Variants in SLC24A3 observed in about 807,000 individuals in gnomAD.
SLC24A3 encodes sodium/potassium/calcium exchanger 3.
Under a neutral mutation model 75.8 loss-of-function variants are expected in SLC24A3, and 28 were observed. That is an observed-to-expected ratio of 0.37 (90% CI 0.27 to 0.51). SLC24A3 has a LOEUF of 0.51. Ranked by LOEUF, SLC24A3 falls within the 20% of genes least tolerant of loss-of-function variation. The pLI is 0.94. For missense variants in SLC24A3, 663 were observed against 847.8 expected (o/e 0.78, Z 2.71); for synonymous variants, 372 against 334.1 (o/e 1.11, Z -1.24).
At position 19,606,889 on chromosome 20, in the gene SLC24A3, C is replaced by T. The variant is rs138807629; in HGVS notation, c.612+21345C>T. Among the ~76,000 whole-genome samples, 338 of 152,272 alleles carry T rather than the reference C, an allele frequency of 2.2e-3. 1 individual carries two copies. The Middle Eastern group carries it at 0.037, about 17-fold the overall frequency. On this transcript the variant is annotated intron_variant, in intron 6 of 16. Transcript: ENST00000328041. Reference sequence around the variant, plus strand: ...CCCCACTGTTCTGCTTTGGTCATTCCAGTGTATATGTGGACAGTGTGCGGC... The same window carrying T: ...CCCCACTGTTCTGCTTTGGTCATTCTAGTGTATATGTGGACAGTGTGCGGC...
chr20:19,696,059 C>T (rs2032802149), intron 13 of SLC24A3, among the ~76,000 whole-genome samples: 1 of 115,204 alleles, frequency 8.7e-6, no homozygotes, highest in African/African-American at 3.3e-5. Flanking sequence ...ACTGTGTTGC[C>T]GAGGCTGGAG....
intron 6 of SLC24A3, among the ~76,000 whole-genome samples, chr20:19,612,534 T>G (rs1044796549): frequency 2.0e-5 from 3 of 152,046 alleles, no homozygotes; most frequent in African/African-American, 7.2e-5. Flanking sequence ...CCTACAAATA[T>G]GCACAGTTAT....
chr20:19,515,395 C>A (rs1026062038), intron 2 of SLC24A3, 93 bp from the exon 3 acceptor site: 8 of 1,155,410 alleles, frequency 6.9e-6, no homozygotes, highest in Non-Finnish European at 1.0e-5. Context: ...CATCCAAGTT[C>A]ATGGACCCCA....
chr20:19,300,627 C>T (rs1984172492), intron 2 of SLC24A3, among the ~76,000 whole-genome samples: 1 of 152,158 alleles, frequency 6.6e-6, no homozygotes, highest in South Asian at 2.1e-4. Flanking sequence ...TAAAGAACTT[C>T]CGGGGCTCAT....
chr20:19,629,725 G>A (rs778503000), intron 6 of SLC24A3, among the ~76,000 whole-genome samples: 20 of 152,160 alleles, frequency 1.3e-4, no homozygotes, highest in South Asian at 6.2e-4. Flanking sequence ...GAAGCCTTGC[G>A]GGCCAGAATG....
intron 3 of SLC24A3, among the ~76,000 whole-genome samples, chr20:19,579,181 T>A (rs980963403): frequency 1.3e-5 from 2 of 151,986 alleles, no homozygotes. Context: ...AAAACTGGGG[T>A]CTCCTTAGGA....
chr20:19,675,890 ACTGT>A (rs1391704409), intron 9 of SLC24A3, among the ~76,000 whole-genome samples: 5 of 152,136 alleles, frequency 3.3e-5, no homozygotes, highest in South Asian at 2.1e-4. Flanking sequence ...GCCTCAAACT[ACTGT>A]CTGTGTGTGT....
At chr20:19,683,998 A>ATGGG (rs1334081036) in intron 10 of SLC24A3, among the ~76,000 whole-genome samples, 178 bp from the exon 11 acceptor site, 6 of 152,116 alleles carry the variant, frequency 3.9e-5, no homozygotes, top group African/African-American at 1.4e-4. Flanking sequence ...GAATGCATGG[A>ATGGG]TGGGTGGAAG....
Position 19,400,695 on chromosome 20 carries a change from C to T in SLC24A3, c.272-114793C>T, listed in dbSNP as rs1046174855. ...TCTCCTTAGACTCTCAACTGCATCT[C>T]CCCAGTTCAAGAATCCTGCCAGTCT... On this transcript the variant is annotated intron_variant, in intron 2 of 16. Transcript: ENST00000328041. Among the ~76,000 whole-genome samples the T allele has an allele frequency of 3.9e-5, 6 of 152,148 alleles. No individual in the cohort carries two copies. In the East Asian group the frequency reaches 1.2e-3, roughly 29 times the overall value.
At chr20:19,529,229 G>T (rs80010404) in intron 3 of SLC24A3, among the ~76,000 whole-genome samples, 240 of 152,182 alleles carry the variant, frequency 1.6e-3, no homozygotes, top group African/African-American at 5.1e-3. Context: ...ATGTGTCTCC[G>T]TGGCAACCCA....
At chr20:19,294,083 A>T (rs1299149682) in intron 2 of SLC24A3, among the ~76,000 whole-genome samples, 1 of 152,130 alleles carries the variant, frequency 6.6e-6, no homozygotes, top group East Asian at 1.9e-4. Context: ...ACATCACTTC[A>T]TTTACGTGGA....
chr20:19,291,796 G>C (rs956976751), intron 2 of SLC24A3, among the ~76,000 whole-genome samples: 11 of 152,168 alleles, frequency 7.2e-5, no homozygotes, highest in African/African-American at 2.2e-4. Flanking sequence ...CAGTGTCCAC[G>C]TTATTGGGAT....
intron 6 of SLC24A3, among the ~76,000 whole-genome samples, chr20:19,600,065 G>A (rs146349560): frequency 6.6e-6 from 1 of 152,162 alleles, no homozygotes; most frequent in Non-Finnish European, 1.5e-5. Flanking sequence ...TTGAAGGCCC[G>A]TGGGGGTCAT....
chr20:19,484,958 G>A (rs1031932187), intron 2 of SLC24A3, among the ~76,000 whole-genome samples: 2 of 152,096 alleles, frequency 1.3e-5, no homozygotes, highest in Non-Finnish European at 2.9e-5. Flanking sequence ...GTGCAAATTA[G>A]TGCTACCCTG....
chr20:19,598,500 C>T (rs1183415781), intron 6 of SLC24A3, among the ~76,000 whole-genome samples: 2 of 152,104 alleles, frequency 1.3e-5, no homozygotes, highest in African/African-American at 2.4e-5. Context: ...GGATGAGTTT[C>T]TTCTTCCCTT....
At chr20:19,691,926 G>A (rs1267925602) in intron 12 of SLC24A3, among the ~76,000 whole-genome samples, 2 of 152,108 alleles carry the variant, frequency 1.3e-5, no homozygotes, top group African/African-American at 4.8e-5. Context: ...ACAGAGCAGG[G>A]ACCGGAGCCC....
chr20:19,448,933 G>C (rs1173179599), intron 2 of SLC24A3, among the ~76,000 whole-genome samples: 1 of 152,246 alleles, frequency 6.6e-6, no homozygotes, highest in Non-Finnish European at 1.5e-5. Flanking sequence ...ACCACACTTT[G>C]TGGGCAGGGA....
intron 2 of SLC24A3, among the ~76,000 whole-genome samples, chr20:19,297,238 T>C (rs976884596): frequency 3.3e-5 from 5 of 152,238 alleles, no homozygotes; most frequent in African/African-American, 9.6e-5. Context: ...AGATCATGTA[T>C]ATCATTAGCT....
chr20:19,247,596 T>C (rs1251723132), intron 1 of SLC24A3, among the ~76,000 whole-genome samples: 2 of 152,156 alleles, frequency 1.3e-5, no homozygotes, highest in Non-Finnish European at 2.9e-5. Flanking sequence ...CCCGCGTAGA[T>C]GATGGAGCAA....
Sources: allele counts gnomAD v4.1 joint callset (sites outside exome capture counted in the v4.1 genomes callset), GRCh38; gene constraint gnomAD v4.1.1; transcripts MANE v1.5; gene names NCBI Gene and HGNC (gene_info 2026-07-23, HGNC 2026-07-21).